Variants in SRPK2 observed in about 807,000 individuals in gnomAD.
SRPK2 encodes the protein SFRS protein kinase 2.
In SRPK2, 21 loss-of-function variants were observed where a neutral mutation model predicts 90.8. That is an observed-to-expected ratio of 0.23 (90% CI 0.16 to 0.33). The LOEUF is 0.33. SRPK2 is among the 10% of genes least tolerant of loss of function. The pLI is 1.00. For missense variants in SRPK2, 620 were observed against 869.0 expected (o/e 0.71, Z 3.60); for synonymous variants, 288 against 311.1 (o/e 0.93, Z 0.78).
At chr7:105,275,570 A>G (rs2130687004) in intron 2 of SRPK2, among the ~76,000 whole-genome samples, 1 of 152,302 alleles carries the variant, frequency 6.6e-6, no homozygotes, top group South Asian at 2.1e-4. Context: ...ATGGCCTAGG[A>G]GCTCTAATGC....
chr7:105,217,309 A>G (rs536105798), intron 2 of SRPK2, among the ~76,000 whole-genome samples: 1 of 151,958 alleles, frequency 6.6e-6, no homozygotes, highest in Admixed American at 6.6e-5. Context: ...ATTTGGTGAG[A>G]AAAAAAAAGA....
chr7:105,196,812 G>A (rs1794969630), intron 3 of SRPK2, among the ~76,000 whole-genome samples: 4 of 152,194 alleles, frequency 2.6e-5, no homozygotes, highest in South Asian at 4.1e-4. Context: ...CACTTTGGGA[G>A]GCTGAGACAG....
At chr7:105,124,458 T>A (rs753153669) in intron 15 of SRPK2, among the ~76,000 whole-genome samples, 8 of 150,738 alleles carry the variant, frequency 5.3e-5, no homozygotes, top group Non-Finnish European at 1.2e-4. Flanking sequence ...CTGGCCAACA[T>A]GGTGAAAACC....
At chr7:105,250,016 G>A (rs575453306) in intron 2 of SRPK2, among the ~76,000 whole-genome samples, 1 of 152,200 alleles carries the variant, frequency 6.6e-6, no homozygotes, top group Non-Finnish European at 1.5e-5. Context: ...TGAGCTAAGC[G>A]TTATTCTACT....
In SRPK2 at chr7:105,301,115, C is replaced by T. The variant is rs564150002; in HGVS notation, c.71+87533G>A. On this transcript the variant is annotated intron_variant, in intron 2 of 15. Transcript: ENST00000393651. ...CACAATAGCAAAGACTGGGAACCAA[C>T]CCAAATGTCCATCAATGATAGACTG... is the stretch of plus-strand genomic sequence containing the variant. 1.1e-4 allele frequency among the ~76,000 whole-genome samples: 16 copies of T among 152,276 alleles called. No homozygotes were observed. In the South Asian group the frequency reaches 3.3e-3, roughly 32 times the overall value.
At chr7:105,312,111 A>G (rs1198060315) in intron 2 of SRPK2, among the ~76,000 whole-genome samples, 1 of 152,248 alleles carries the variant, frequency 6.6e-6, no homozygotes, top group Admixed American at 6.5e-5. Flanking sequence ...ACATGAACAA[A>G]TAATTTCAAG....
At chr7:105,281,815 T>C (rs181394900) in intron 2 of SRPK2, among the ~76,000 whole-genome samples, 1 of 152,130 alleles carries the variant, frequency 6.6e-6, no homozygotes, top group African/African-American at 2.4e-5. Context: ...ATGAAAGACC[T>C]GAATAAATGG....
At position 105,331,308 on chromosome 7, in the gene SRPK2, CAAAAAAA is replaced by C. The variant is rs57653042; in HGVS notation, c.71+57333_71+57339del. ...TGGGCGACAGAGCGAGACTCCGTCT[CAAAAAAA>C]AAAAAAAAAAAAAAAAAAAAAACAA... On this transcript the variant is annotated intron_variant, in intron 2 of 15. Transcript: ENST00000393651. Among the ~76,000 whole-genome samples the C allele has an allele frequency of 6.3e-3, 284 of 45,024 alleles. 1 individual carries two copies. The Middle Eastern group carries it at 0.088, about 14-fold the overall frequency. 29.5% of individuals were successfully genotyped at this position (45,024 alleles called of 152,430 possible). A position where few individuals can be genotyped will look rare whatever the true frequency, so the allele number is the denominator to read the frequency against.
intron 2 of SRPK2, among the ~76,000 whole-genome samples, chr7:105,313,221 G>A (rs535637970): frequency 4.6e-5 from 7 of 151,936 alleles, no homozygotes; most frequent in African/African-American, 7.2e-5. Context: ...CAACATGGGC[G>A]GATTGCCTGA....
intron 2 of SRPK2, among the ~76,000 whole-genome samples, chr7:105,287,102 A>C (rs1156828423): frequency 6.6e-6 from 1 of 151,392 alleles, no homozygotes; most frequent in Non-Finnish European, 1.5e-5. Flanking sequence ...TCTACTAAAA[A>C]TACAAAAAAT....
chr7:105,226,460 T>G (rs1798724114), intron 2 of SRPK2, among the ~76,000 whole-genome samples: 2 of 151,850 alleles, frequency 1.3e-5, no homozygotes, highest in African/African-American at 2.4e-5. Flanking sequence ...CTGGCTAACT[T>G]TAGTATTTTT....
intron 2 of SRPK2, among the ~76,000 whole-genome samples, chr7:105,268,168 T>C (rs1805353737): frequency 6.6e-6 from 1 of 152,238 alleles, no homozygotes. Flanking sequence ...GATTGACAGA[T>C]AAAATAATTG....
At position 105,356,324 on chromosome 7, in the gene SRPK2, G is replaced by C. The variant is rs543609555; in HGVS notation, c.71+32324C>G. 3.9e-5 allele frequency among the ~76,000 whole-genome samples: 6 copies of C among 152,206 alleles called. No homozygotes were observed. In the South Asian group the frequency reaches 1.2e-3, roughly 32 times the overall value. ...CCGTGCTCCATCCTGGAGCATGAAG[G>C]AAACTAGAGAGAAACCCAAACAATG... On this transcript the variant is annotated intron_variant, in intron 2 of 15. Coordinates refer to ENST00000393651, the MANE Select transcript of SRPK2 (RefSeq NM_182692.3).
In SRPK2 at chr7:105,373,650, G is replaced by A. The variant is rs148386642; in HGVS notation, c.71+14998C>T. ...ACTCCTGGCCTCAAGTGATCCGCTC[G>A]CTTCGGCCTCCCAAAGTGCTGGGAT... On this transcript the variant is annotated intron_variant, in intron 2 of 15. Coordinates refer to ENST00000393651, the MANE Select transcript of SRPK2 (RefSeq NM_182692.3). 4.3e-3 allele frequency among the ~76,000 whole-genome samples: 658 copies of A among 151,834 alleles called. 3 individuals carry two copies. The highest frequency in any genetic ancestry group is 0.015 in the African/African-American group (620 of 41,412).
intron 15 of SRPK2, among the ~76,000 whole-genome samples, chr7:105,125,544 T>C (rs866911963): frequency 2.0e-4 from 30 of 152,232 alleles, no homozygotes; most frequent in African/African-American, 7.0e-4. Context: ...TACAGATTGG[T>C]AACTTGGAGT....
At chr7:105,238,348 T>G (rs1303493592) in intron 2 of SRPK2, among the ~76,000 whole-genome samples, 1 of 152,162 alleles carries the variant, frequency 6.6e-6, no homozygotes, top group Non-Finnish European at 1.5e-5. Context: ...TGCTTCCCAC[T>G]CCAGGAGCCT....
chr7:105,301,331 C>A (rs1810525659), intron 2 of SRPK2, among the ~76,000 whole-genome samples: 1 of 152,004 alleles, frequency 6.6e-6, no homozygotes, highest in Non-Finnish European at 1.5e-5. Flanking sequence ...GAGCCCACAG[C>A]CCACCGCTGG....
At chr7:105,153,743 T>C (rs1476397278) in intron 7 of SRPK2, among the ~76,000 whole-genome samples, 1 of 152,040 alleles carries the variant, frequency 6.6e-6, no homozygotes, top group East Asian at 1.9e-4. Flanking sequence ...ACTCTGTGGG[T>C]AACAGAACCT....
intron 2 of SRPK2, among the ~76,000 whole-genome samples, chr7:105,381,568 A>G (rs1340665750): frequency 6.6e-6 from 1 of 152,142 alleles, no homozygotes; most frequent in Non-Finnish European, 1.5e-5. Context: ...TCTTTTCACA[A>G]AGCAATCTCT....
Sources: gnomAD v4.1 joint callset for allele counts (sites outside exome capture counted in the v4.1 genomes callset) on GRCh38, gnomAD v4.1.1 for gene constraint, MANE v1.5 for transcripts, NCBI Gene and HGNC (gene_info 2026-07-23, HGNC 2026-07-21) for gene names.